The following HSD11B1 variants were observed in gnomAD, a reference collection of about 807,000 sequenced individuals.
HSD11B1 encodes the protein 11-beta-hydroxysteroid dehydrogenase 1.
Under a neutral mutation model 22.1 loss-of-function variants are expected in HSD11B1, and 15 were observed. The observed-to-expected ratio is 0.68, with a 90% CI of 0.45 to 1.04. The LOEUF is 1.04. HSD11B1 is among the 50% of genes least tolerant of loss of function. HSD11B1 has a pLI of 0.00. For synonymous variants in HSD11B1, 122 were observed against 125.2 expected, an observed-to-expected ratio of 0.97 and a Z score of 0.17; for missense variants, 281 against 357.6, an observed-to-expected ratio of 0.79 and a Z score of 1.73.
chr1:209,706,402 C>T lies in HSD11B1; in HGVS notation c.220-307C>T, dbSNP rs1298489490. Among the ~76,000 whole-genome samples the T allele has an allele frequency of 1.3e-5, 2 of 152,124 alleles. No individual in the cohort carries two copies. Among genetic ancestry groups the T allele is most frequent in the Admixed American group, 6.5e-5 (1 of 15,272 alleles). ...AAACCTAGAGCTACCCACATAGTAA[C>T]CAGCATCTACACTCATAATGCCCTC... On this transcript the variant is annotated intron_variant, in intron 2 of 5. Coordinates refer to ENST00000367027, the MANE Select transcript of HSD11B1 (RefSeq NM_005525.4). The surrounding 1 kb of genome is among the most constrained non-coding windows in gnomAD (Gnocchi z 4.0).
chr1:209,711,868 G>T (rs2076898187), intron 4 of HSD11B1, among the ~76,000 whole-genome samples: 1 of 152,140 alleles, frequency 6.6e-6, no homozygotes, highest in African/African-American at 2.4e-5. Context: ...AGATTTGAAA[G>T]GGAGGAAGAC....
At chr1:209,691,457 G>A (rs1305952032) in intron 1 of HSD11B1, among the ~76,000 whole-genome samples, 1 of 152,184 alleles carries the variant, frequency 6.6e-6, no homozygotes, top group Non-Finnish European at 1.5e-5. Context: ...CCCAGATTCA[G>A]GGAACAGGAG....
At chr1:209,714,026 C>CATTCATTT (rs2076914864) in intron 4 of HSD11B1, among the ~76,000 whole-genome samples, 2 of 152,138 alleles carry the variant, frequency 1.3e-5, no homozygotes, top group South Asian at 4.1e-4. Context: ...CAAATATACT[C>CATTCATTT]ATTCATTCAT....
At chr1:209,709,905 A>G (rs891804443) in intron 4 of HSD11B1, among the ~76,000 whole-genome samples, 1 of 151,632 alleles carries the variant, frequency 6.6e-6, no homozygotes, top group Non-Finnish European at 1.5e-5. Flanking sequence ...AGACTAGAAA[A>G]AAGTATACCC....
At chr1:209,725,885 T>C (rs909061251) in intron 4 of HSD11B1, among the ~76,000 whole-genome samples, 1 of 152,182 alleles carries the variant, frequency 6.6e-6, no homozygotes, top group African/African-American at 2.4e-5. Context: ...TACAGATCAA[T>C]AGCAGGTCAC....
chr1:209,729,709 A>G (rs1382751220), intron 4 of HSD11B1, among the ~76,000 whole-genome samples: 2 of 152,228 alleles, frequency 1.3e-5, no homozygotes, highest in African/African-American at 4.8e-5. Context: ...ATCCCTGATG[A>G]ACACAGATGC....
At chr1:209,721,758 G>C in intron 4 of HSD11B1, among the ~76,000 whole-genome samples, 1 of 151,840 alleles carries the variant, frequency 6.6e-6, no homozygotes, top group Non-Finnish European at 1.5e-5. Context: ...CCCATCCACA[G>C]GATCCACACT....
chr1:209,723,650 C>T (rs776254321), intron 4 of HSD11B1, among the ~76,000 whole-genome samples: 4 of 152,234 alleles, frequency 2.6e-5, no homozygotes, highest in African/African-American at 9.6e-5. Context: ...TCTCCCCTTG[C>T]TAAGCTGGAA....
upstream of HSD11B1, chr1:209,704,776 A>G (rs2076845656): frequency 3.2e-6 from 2 of 616,114 alleles, no homozygotes; most frequent in South Asian, 1.8e-5. Context: ...CCCAAAGCCA[A>G]TCGCTGCTCT....
chr1:209,708,027 G>T (rs2076871641), intron 4 of HSD11B1, among the ~76,000 whole-genome samples: 1 of 152,158 alleles, frequency 6.6e-6, no homozygotes, highest in South Asian at 2.1e-4. Flanking sequence ...AGCTGGGTAG[G>T]GAGGAAATGT....
chr1:209,706,037 T>A lies in HSD11B1; in HGVS notation c.219+96T>A. ...TACACAGAAGCTAGCATATCGCAGA[T>A]CTATATACAGAGGCACATGCACACA... On this transcript the variant is annotated intron_variant, in intron 2 of 5. Coordinates refer to ENST00000367027, the MANE Select transcript of HSD11B1 (RefSeq NM_005525.4). The surrounding 1 kb of genome is among the most constrained non-coding windows in gnomAD (Gnocchi z 4.0). 6.6e-7 allele frequency: 1 copy of A among 1,522,410 alleles called. No individual in the cohort carries two copies. Among genetic ancestry groups the A allele is most frequent in the East Asian group, 2.3e-5 (1 of 43,874 alleles). 94.3% of individuals were successfully genotyped at this position (1,522,410 alleles called of 1,614,324 possible).
At chr1:209,705,752 G>A in intron 1 of HSD11B1, 59 bp from the exon 2 acceptor site, 5 of 1,608,024 alleles carry the variant, frequency 3.1e-6, no homozygotes, top group Middle Eastern at 2.0e-4. Context: ...TCCAGAGAGG[G>A]AGAAGGAATT....
At chr1:209,724,832 A>G (rs1315434640) in intron 4 of HSD11B1, among the ~76,000 whole-genome samples, 1 of 152,186 alleles carries the variant, frequency 6.6e-6, no homozygotes, top group Non-Finnish European at 1.5e-5. Context: ...TTGAGAATGG[A>G]AGATTTTTCT....
chr1:209,707,933 A>T (rs1042970023), intron 4 of HSD11B1, among the ~76,000 whole-genome samples: 1 of 152,222 alleles, frequency 6.6e-6, no homozygotes, highest in African/African-American at 2.4e-5. Context: ...CAAGAAAAAA[A>T]AAAAAGATGA....
At chr1:209,720,890 G>C (rs1052705706) in intron 4 of HSD11B1, among the ~76,000 whole-genome samples, 5 of 152,106 alleles carry the variant, frequency 3.3e-5, no homozygotes, top group Admixed American at 1.3e-4. Flanking sequence ...TTGGACAAAG[G>C]GTCCTTGCAG....
chr1:209,698,860 C>A (rs2076809255), intron 1 of HSD11B1, among the ~76,000 whole-genome samples: 1 of 152,172 alleles, frequency 6.6e-6, no homozygotes, highest in Non-Finnish European at 1.5e-5. Context: ...TCCTAGAAGG[C>A]CCTTGGCTCT....
upstream of HSD11B1, among the ~76,000 whole-genome samples, chr1:209,702,079 T>C (rs2076829773): frequency 1.3e-5 from 2 of 152,264 alleles, no homozygotes; most frequent in South Asian, 2.1e-4. Flanking sequence ...AACTGTTCAC[T>C]GTTTTTCTAT....
At chr1:209,693,240 C>G (rs2076771686) in intron 1 of HSD11B1, among the ~76,000 whole-genome samples, 1 of 152,156 alleles carries the variant, frequency 6.6e-6, no homozygotes. Flanking sequence ...AAAGTGAAGC[C>G]TGGGAAAACT....
upstream of HSD11B1, among the ~76,000 whole-genome samples, chr1:209,704,453 TG>T (rs887503349): frequency 1.1e-4 from 12 of 105,254 alleles, no homozygotes; most frequent in South Asian, 3.6e-4. Flanking sequence ...TCCCACTGGG[TG>T]GGGGGGTAGG....
Sources: allele counts gnomAD v4.1 joint callset (sites outside exome capture counted in the v4.1 genomes callset), GRCh38; gene constraint gnomAD v4.1.1; non-coding constraint Gnocchi (gnomAD v3.1); transcripts MANE v1.5; gene names NCBI Gene and HGNC (gene_info 2026-07-23, HGNC 2026-07-21).